Variants in LARP7 observed in about 807,000 individuals in gnomAD.
LARP7 encodes la-related protein 7.
LARP7 carries 52 observed loss-of-function variants against 69.3 expected under a neutral mutation model. The ratio of observed to expected loss-of-function variants is 0.75; its 90% confidence interval spans 0.60 to 0.95. LARP7 has a LOEUF of 0.95. Ranked by LOEUF, LARP7 falls within the 40% of genes least tolerant of loss-of-function variation. LARP7 has a pLI of 0.00. For synonymous variants in LARP7, 254 were observed against 215.9 expected, an observed-to-expected ratio of 1.18 and a Z score of -1.55; for missense variants, 733 against 673.0, an observed-to-expected ratio of 1.09 and a Z score of -0.99.
At chr4:112,644,612 C>A in intron 1 of LARP7, 56 bp from the exon 2 acceptor site, 2 of 1,279,784 alleles carry the variant, frequency 1.6e-6, no homozygotes, top group Non-Finnish European at 2.1e-6. Flanking sequence ...AAATATTTAA[C>A]TATATTAGCT....
intron 1 of LARP7, among the ~76,000 whole-genome samples, chr4:112,639,208 C>CTTTT (rs1160467036): frequency 2.3e-5 from 3 of 132,384 alleles, no homozygotes; most frequent in African/African-American, 5.6e-5. Context: ...TTAAATGTTA[C>CTTTT]TTTTTTTTTT....
intron 1 of LARP7, among the ~76,000 whole-genome samples, chr4:112,641,348 A>C (rs11725046): frequency 7.4e-4 from 113 of 152,194 alleles, no homozygotes; most frequent in African/African-American, 2.6e-3. Flanking sequence ...AGATCGCGCC[A>C]CTGCACTCCA....
intron 12 of LARP7, 98 bp downstream of exon 12, chr4:112,654,257 A>ATTACC (rs2048871448): frequency 1.2e-6 from 1 of 800,590 alleles, no homozygotes; most frequent in African/African-American, 1.7e-5. Flanking sequence ...TAGTTTTGCT[A>ATTACC]TTACCTAACA....
intron 9 of LARP7, 38 bp downstream of exon 9, chr4:112,649,724 A>G (rs2048618603): frequency 7.3e-7 from 1 of 1,378,584 alleles, no homozygotes; most frequent in African/African-American, 1.5e-5. Context: ...ATTATAATGT[A>G]CTTATATATG....
chr4:112,652,294 C>CT (rs1491329732), intron 10 of LARP7, among the ~76,000 whole-genome samples: 3 of 60,114 alleles, frequency 5.0e-5, no homozygotes, highest in African/African-American at 2.0e-4. Flanking sequence ...AATAAGATTT[C>CT]CCCCCCCCCC....
chr4:112,640,987 T>C (rs2047937553), intron 1 of LARP7, among the ~76,000 whole-genome samples: 1 of 152,206 alleles, frequency 6.6e-6, no homozygotes, highest in Non-Finnish European at 1.5e-5. Context: ...ATGGTTGTTA[T>C]GTTTGGACTG....
intron 10 of LARP7, among the ~76,000 whole-genome samples, chr4:112,652,531 T>C (rs962828612): frequency 6.6e-6 from 1 of 152,076 alleles, no homozygotes; most frequent in Non-Finnish European, 1.5e-5. Flanking sequence ...AGAGGTTACT[T>C]AGGTATTTTT....
chr4:112,648,435 C>A, intron 8 of LARP7: 1 of 534,494 alleles, frequency 1.9e-6, no homozygotes, highest in Admixed American at 1.9e-5. Context: ...CAAAGGGGAT[C>A]CCTTCAAATG....
At chr4:112,640,159 G>C (rs1378808063) in intron 1 of LARP7, among the ~76,000 whole-genome samples, 3 of 151,964 alleles carry the variant, frequency 2.0e-5, no homozygotes. Context: ...GGCTGGTCTT[G>C]AACTTCTGAC....
intron 10 of LARP7, among the ~76,000 whole-genome samples, chr4:112,651,309 TGGTG>T (rs964145373): frequency 6.6e-6 from 1 of 152,154 alleles, no homozygotes; most frequent in Non-Finnish European, 1.5e-5. Flanking sequence ...ACCATTGAGG[TGGTG>T]GTTTGTTTAT....
chr4:112,646,909 C>T lies in LARP7; in HGVS notation c.506C>T (p.Ala169Val), dbSNP rs746396308. 4 of 1,607,998 alleles carry T rather than the reference C, an allele frequency of 2.5e-6. No individual in the cohort carries two copies. The highest frequency in any genetic ancestry group is 2.5e-6 in the Non-Finnish European group (3 of 1,178,940). ...TCTACTGGAGATCCAAAGGGATTTGCGTTTGTGGAATTTGAAACAAAAGAA... is the reference window on the plus strand; with the variant it reads ...TCTACTGGAGATCCAAAGGGATTTGTGTTTGTGGAATTTGAAACAAAAGAA... ...YKSTGDPKGF[A>V]FVEFETKEQA... The change falls in exon 5 of 13, where the codon GCG becomes GTG. Residue 169 changes from alanine to valine, a missense_variant. Transcript: ENST00000344442.
chr4:112,647,511 T>C lies in LARP7; in HGVS notation c.959T>C (p.Ile320Thr), dbSNP rs1422057182. The C allele has an allele frequency of 6.2e-7, 1 of 1,612,550 alleles. No individual in the cohort carries two copies. Among genetic ancestry groups the C allele is most frequent in the Non-Finnish European group, 8.5e-7 (1 of 1,179,422 alleles). Residue 320 changes from isoleucine to threonine, a missense_variant, in exon 7 of 13, where the codon ATC becomes ACC. Physicochemically the swap from Ile to Thr is moderately conservative, Grantham distance 89 (BLOSUM62 -1). Coordinates refer to ENST00000344442, the MANE Select transcript of LARP7 (RefSeq NM_016648.4). ...SKVKKIIQKD[I>T]IKEASEASKE... is the part of the protein sequence containing the mutation. Reference sequence around the variant, plus strand: ...GTAAAGAAAATTATTCAGAAAGACATCATTAAGGAAGCATCAGAAGCTTCC... The same window carrying C: ...GTAAAGAAAATTATTCAGAAAGACACCATTAAGGAAGCATCAGAAGCTTCC...
At chr4:112,654,866 A>T (rs2048892729) in intron 12 of LARP7, 1 of 152,166 alleles carries the variant, frequency 6.6e-6, no homozygotes, top group African/African-American at 2.4e-5. Context: ...TATTAACTAC[A>T]GTCATCAAAA....
rs773589596 is a variant in LARP7, at chr4:112,647,239, AAAGG to A, written c.691_694del (p.Glu231ThrfsTer20). ...AAAAGAAGAAGAAAGGCCGAATGAA[AAAGG>A]AAGACAATATCCAAGCCAAAGAAGA... On this transcript the variant is annotated frameshift_variant, in exon 7 of 13. Coordinates refer to ENST00000344442, the MANE Select transcript of LARP7 (RefSeq NM_016648.4). LOFTEE classifies it high-confidence loss of function. The A allele has an allele frequency of 2.5e-6, 4 of 1,598,830 alleles. No individual in the cohort carries two copies. The highest frequency in any genetic ancestry group is 2.3e-5 in the South Asian group (2 of 87,674).
chr4:112,640,222 A>G (rs185243420), intron 1 of LARP7, among the ~76,000 whole-genome samples: 4 of 152,316 alleles, frequency 2.6e-5, no homozygotes, highest in Admixed American at 2.6e-4. Flanking sequence ...TATAGGCGTG[A>G]ACCACTGCAC....
Position 112,647,223 on chromosome 4 carries a change from A to G in LARP7, c.671A>G (p.Lys224Arg), listed in dbSNP as rs2048337676. The change falls in exon 7 of 13, where the codon AAG (lysine) becomes AGG (arginine). Residue 224 changes from lysine (K) to arginine (R), a missense_variant. By Grantham distance (26) the Lys-to-Arg change is conservative. Coordinates refer to ENST00000344442, the MANE Select transcript of LARP7 (RefSeq NM_016648.4). ...GAAGAGAAGAAAAAGAAAAAGAAGA[A>G]GAAAGGCCGAATGAAAAAGGAAGAC... ...VVEEKKKKKK[K>R]KGRMKKEDNI... The G allele has an allele frequency of 5.0e-6, 8 of 1,594,982 alleles. No homozygotes were observed. Among genetic ancestry groups the G allele is most frequent in the Non-Finnish European group, 6.8e-6 (8 of 1,174,976 alleles).
In LARP7 at chr4:112,646,784, A is replaced by G. The variant is rs780029859; in HGVS notation, c.388-7A>G. 3 of 1,574,874 alleles carry G rather than the reference A, an allele frequency of 1.9e-6. No homozygotes were observed. In the Admixed American group the frequency reaches 6.0e-5, roughly 31 times the overall value. ...AAAACTCTAATATTGCTTTTAATTTATAATAGGAGTTACTTCCCAAAAATG... is the reference window on the plus strand; with the variant it reads ...AAAACTCTAATATTGCTTTTAATTTGTAATAGGAGTTACTTCCCAAAAATG... On this transcript the variant is annotated splice_region_variant and splice_polypyrimidine_tract_variant and intron_variant, in intron 4 of 12. Transcript: ENST00000344442.
chr4:112,651,256 T>G (rs1486006616), intron 10 of LARP7, among the ~76,000 whole-genome samples: 1 of 152,198 alleles, frequency 6.6e-6, no homozygotes, highest in South Asian at 2.1e-4. Flanking sequence ...GTATGTTGTT[T>G]TGGTTTTACG....
At chr4:112,644,383 C>A in intron 1 of LARP7, 1 of 622,580 alleles carries the variant, frequency 1.6e-6, no homozygotes. Flanking sequence ...CTTAAAAGTG[C>A]AGCTTAGTGA....
Sources: gnomAD v4.1 joint callset for allele counts (sites outside exome capture counted in the v4.1 genomes callset) on GRCh38, gnomAD v4.1.1 for gene constraint, MANE v1.5 for transcripts, NCBI Gene and HGNC (gene_info 2026-07-23, HGNC 2026-07-21) for gene names.